DBT: variants seen among roughly 807,000 people sequenced by gnomAD.
DBT encodes dihydrolipoamide branched chain transacylase E2.
Under a neutral mutation model 51.3 loss-of-function variants are expected in DBT, and 40 were observed. That is an observed-to-expected ratio of 0.78 (90% CI 0.61 to 1.02). The LOEUF is 1.02. DBT is among the 50% of genes least tolerant of loss of function. The pLI is 0.00. For synonymous variants in DBT, 181 were observed against 190.4 expected (o/e 0.95, Z 0.41); for missense variants, 510 against 580.2 (o/e 0.88, Z 1.24).
chr1:100,227,910 G>A (rs1663312861), intron 4 of DBT, among the ~76,000 whole-genome samples: 2 of 152,048 alleles, frequency 1.3e-5, no homozygotes, highest in East Asian at 1.9e-4. Flanking sequence ...GTGCAGGGGC[G>A]CAATCTTGGC....
chr1:100,201,709 G>A (rs376700899), intron 10 of DBT, among the ~76,000 whole-genome samples: 3 of 152,110 alleles, frequency 2.0e-5, no homozygotes, highest in Admixed American at 6.5e-5. Context: ...TGGATCTCTC[G>A]GCAGAAACTC....
intron 3 of DBT, among the ~76,000 whole-genome samples, chr1:100,232,968 A>C (rs1663633993): frequency 6.6e-6 from 1 of 152,258 alleles, no homozygotes; most frequent in Non-Finnish European, 1.5e-5. Context: ...TTTAAAATAC[A>C]CAGTAAAAAG....
In DBT at chr1:100,194,379, C is replaced by G. The variant is rs1660975123; in HGVS notation, c.*1876G>C. The G allele has an allele frequency of 1.3e-5, 2 of 152,026 alleles. No individual in the cohort carries two copies. Among genetic ancestry groups the G allele is most frequent in the Admixed American group, 1.3e-4 (2 of 15,218 alleles). The allele number at this position is 152,026 out of a possible 1,614,324, so 9.4% of individuals were successfully genotyped here. Reference sequence around the variant, plus strand: ...CTGAGACAAAGTGTTGCTCTGCCACCCAGGCTGGAGTGCAGTGGTGTGATC... The same window carrying G: ...CTGAGACAAAGTGTTGCTCTGCCACGCAGGCTGGAGTGCAGTGGTGTGATC... On this transcript the variant is annotated 3_prime_UTR_variant, in exon 11 of 11. Coordinates refer to ENST00000370132, the MANE Select transcript of DBT (RefSeq NM_001918.5).
chr1:100,221,377 G>A (rs1662849496), intron 4 of DBT, among the ~76,000 whole-genome samples: 1 of 152,112 alleles, frequency 6.6e-6, no homozygotes, highest in Non-Finnish European at 1.5e-5. Context: ...TACAGACAGT[G>A]TTTCACTACG....
At chr1:100,248,220 C>T (rs1664668285) in intron 1 of DBT, among the ~76,000 whole-genome samples, 2 of 152,010 alleles carry the variant, frequency 1.3e-5, no homozygotes, top group African/African-American at 4.8e-5. Context: ...CTGCCTTCAA[C>T]ATAAAAGAAG....
At chr1:100,208,198 G>A (rs1227651499) in intron 8 of DBT, among the ~76,000 whole-genome samples, 1 of 152,084 alleles carries the variant, frequency 6.6e-6, no homozygotes. Context: ...TAAAAATATT[G>A]TATAAAATTA....
chr1:100,217,262 A>G (rs1371284925), intron 5 of DBT, among the ~76,000 whole-genome samples: 1 of 152,150 alleles, frequency 6.6e-6, no homozygotes, highest in East Asian at 1.9e-4. Flanking sequence ...TTTCTATATT[A>G]TTAAGAAAAA....
intron 10 of DBT, among the ~76,000 whole-genome samples, chr1:100,203,133 C>A (rs1291514247): frequency 2.6e-5 from 4 of 151,992 alleles, no homozygotes; most frequent in Admixed American, 1.3e-4. Flanking sequence ...CACAAAAAAA[C>A]CCTTCAAAAA....
At chr1:100,206,352 G>A (rs1323398243) in intron 9 of DBT, 51 bp from the exon 10 acceptor site, 1 of 1,570,520 alleles carries the variant, frequency 6.4e-7, no homozygotes, top group Admixed American at 1.7e-5. Context: ...AGATTTTTCA[G>A]GGAACAAATG....
At chr1:100,211,661 A>G (rs1662152976) in intron 7 of DBT, among the ~76,000 whole-genome samples, 5 of 152,200 alleles carry the variant, frequency 3.3e-5, no homozygotes, top group Admixed American at 3.3e-4. Flanking sequence ...GTTTAAATAT[A>G]TAGAGACATT....
In DBT at chr1:100,206,709, T is replaced by G. The variant is rs1412672577; in HGVS notation, c.1018-73A>C. The stretch of plus-strand genomic sequence containing the variant: ...CAGCAAAGAAAGGATCAACCTTCAC[T>G]GCCATCTAGAAACCACTACCAAAAC... On this transcript the variant is annotated intron_variant, in intron 8 of 10. Transcript: ENST00000370132. The G allele has an allele frequency of 1.1e-5, 10 of 869,926 alleles. No individual in the cohort carries two copies. In the Middle Eastern group the frequency reaches 7.5e-4, roughly 66 times the overall value. The allele number at this position is 869,926 out of a possible 1,614,324, so 53.9% of individuals were successfully genotyped here.
chr1:100,240,911 A>G, intron 1 of DBT, 27 bp from the exon 2 acceptor site: 1 of 1,609,340 alleles, frequency 6.2e-7, no homozygotes, highest in South Asian at 1.1e-5. Context: ...AAAAAGTAAA[A>G]GCATTTATAA....
intron 4 of DBT, among the ~76,000 whole-genome samples, chr1:100,228,855 T>C (rs1274097702): frequency 1.3e-5 from 2 of 152,200 alleles, no homozygotes; most frequent in Non-Finnish European, 2.9e-5. Flanking sequence ...TATATTATTT[T>C]GGTTAAAAAA....
rs1332728847 is a variant in DBT at position 100,192,373 on chromosome 1, A to C, written c.*3882T>G. On this transcript the variant is annotated 3_prime_UTR_variant, in exon 11 of 11. Transcript: ENST00000370132. ...TCTCTACCCTAGAGCCTGGAACTGA[A>C]TATACAGTTAATAAATAAGTGCAGA... 1 of 152,224 alleles carries C rather than the reference A, an allele frequency of 6.6e-6. No individual in the cohort carries two copies. Among genetic ancestry groups the C allele is most frequent in the Non-Finnish European group, 1.5e-5 (1 of 68,042 alleles). 9.4% of individuals were successfully genotyped at this position (152,224 alleles called of 1,614,324 possible).
chr1:100,191,230 C>T lies in DBT; in HGVS notation c.*5025G>A, dbSNP rs1660789927. 6.6e-6 allele frequency: 1 copy of T among 152,180 alleles called. No homozygotes were observed. The highest frequency in any genetic ancestry group is 2.4e-5 in the African/African-American group (1 of 41,440). 9.4% of individuals were successfully genotyped at this position (152,180 alleles called of 1,614,324 possible). On this transcript the variant is annotated 3_prime_UTR_variant, in exon 11 of 11. Coordinates refer to ENST00000370132, the MANE Select transcript of DBT (RefSeq NM_001918.5). ...AAGTTAGTAATTCACATTTTGACAG[C>T]ATCAGTTGAACTGTCAGCATAACAT...
intron 4 of DBT, among the ~76,000 whole-genome samples, chr1:100,228,821 C>T (rs1011803237): frequency 1.3e-5 from 2 of 152,026 alleles, no homozygotes; most frequent in Admixed American, 6.6e-5. Context: ...ACAAAGCAAA[C>T]AGATTGGACT....
chr1:100,231,516 AT>A (rs897934040), intron 3 of DBT, among the ~76,000 whole-genome samples: 2 of 152,242 alleles, frequency 1.3e-5, no homozygotes, highest in African/African-American at 2.4e-5. Flanking sequence ...TCTAATTTTC[AT>A]TCTAATGGCA....
At chr1:100,227,662 T>C (rs1445226506) in intron 4 of DBT, among the ~76,000 whole-genome samples, 1 of 152,194 alleles carries the variant, frequency 6.6e-6, no homozygotes, top group African/African-American at 2.4e-5. Flanking sequence ...GGGGTAAGGG[T>C]ATCATTATCC....
intron 6 of DBT, 118 bp from the exon 7 acceptor site, chr1:100,215,101 A>C (rs1662403919): frequency 1.4e-6 from 1 of 735,246 alleles, no homozygotes; most frequent in Admixed American, 2.4e-5. Flanking sequence ...CTCTCAGTTA[A>C]ACCCTTCCTC....
Sources: allele counts gnomAD v4.1 joint callset (sites outside exome capture counted in the v4.1 genomes callset), GRCh38; gene constraint gnomAD v4.1.1; transcripts MANE v1.5; gene names NCBI Gene and HGNC (gene_info 2026-07-23, HGNC 2026-07-21).